The following XKR4 variants were observed in gnomAD, a reference collection of about 807,000 sequenced individuals.
XKR4 encodes XK related 4, also known as XK-related protein 4.
XKR4 carries 12 observed loss-of-function variants against 53.9 expected under a neutral mutation model. The observed-to-expected ratio is 0.22, with a 90% CI of 0.14 to 0.36. XKR4 has a LOEUF of 0.36. Among genes scored for constraint, XKR4 ranks in the 10% least tolerant of loss-of-function variants. The pLI is 1.00. For synonymous variants in XKR4, 354 were observed against 362.4 expected, an observed-to-expected ratio of 0.98 and a Z score of 0.26; for missense variants, 799 against 859.5, an observed-to-expected ratio of 0.93 and a Z score of 0.88.
At chr8:55,485,846 G>A (rs1230429387) in intron 2 of XKR4, among the ~76,000 whole-genome samples, 3 of 152,000 alleles carry the variant, frequency 2.0e-5, no homozygotes, top group Non-Finnish European at 4.4e-5. Flanking sequence ...GGATGTTCTG[G>A]GATTGGAAAA....
intron 2 of XKR4, among the ~76,000 whole-genome samples, chr8:55,478,594 C>T (rs1022278961): frequency 1.6e-4 from 25 of 152,136 alleles, no homozygotes; most frequent in Non-Finnish European, 2.4e-4. Flanking sequence ...AATTAAAAGA[C>T]ACAGACTGGC....
At chr8:55,276,225 C>T (rs991367318) in intron 1 of XKR4, among the ~76,000 whole-genome samples, 1 of 152,094 alleles carries the variant, frequency 6.6e-6, no homozygotes, top group African/African-American at 2.4e-5. Context: ...CTCGATGACT[C>T]GTTTATTTAA....
intron 2 of XKR4, among the ~76,000 whole-genome samples, chr8:55,512,468 A>G (rs1238356502): frequency 6.6e-6 from 1 of 152,140 alleles, no homozygotes; most frequent in East Asian, 1.9e-4. Context: ...GCCTGTGCCC[A>G]TCTCTTCTTG....
At chr8:55,230,582 G>A (rs1024665176) in intron 1 of XKR4, among the ~76,000 whole-genome samples, 7 of 152,060 alleles carry the variant, frequency 4.6e-5, no homozygotes, top group African/African-American at 1.2e-4. Context: ...TGGCCAGGCT[G>A]GTCTCGAACT....
chr8:55,289,664 A>AG, intron 1 of XKR4, among the ~76,000 whole-genome samples: 1 of 97,942 alleles, frequency 1.0e-5, no homozygotes, highest in Middle Eastern at 4.6e-3. Flanking sequence ...GAAGGAAAAG[A>AG]AAAGAAAAGA....
intron 1 of XKR4, among the ~76,000 whole-genome samples, chr8:55,342,889 C>T (rs1426500870): frequency 6.6e-6 from 1 of 152,188 alleles, no homozygotes; most frequent in Non-Finnish European, 1.5e-5. Context: ...ATGTAAGTCC[C>T]TATTTCATTT....
At chr8:55,407,857 T>A (rs1804709932) in intron 2 of XKR4, among the ~76,000 whole-genome samples, 1 of 152,160 alleles carries the variant, frequency 6.6e-6, no homozygotes, top group African/African-American at 2.4e-5. Context: ...CAGAAGGGAG[T>A]ATCATTGTGT....
At chr8:55,495,722 C>G (rs776899255) in intron 2 of XKR4, among the ~76,000 whole-genome samples, 2 of 152,178 alleles carry the variant, frequency 1.3e-5, no homozygotes, top group Non-Finnish European at 2.9e-5. Flanking sequence ...CACCCAGCTG[C>G]GAGAGGTTGG....
At chr8:55,221,514 G>T (rs947423070) in intron 1 of XKR4, among the ~76,000 whole-genome samples, 1 of 152,122 alleles carries the variant, frequency 6.6e-6, no homozygotes, top group African/African-American at 2.4e-5. Flanking sequence ...TGTTTCTGAT[G>T]GTCAAAGCCA....
rs1806831444 is a variant in XKR4 at position 55,523,459 on chromosome 8, G to A, written c.1185G>A (p.Ser395=). Residue 395 remains serine (S), a synonymous_variant, in exon 3 of 3, where the codon TCG becomes TCA. Transcript: ENST00000327381. ...TCATCACGTTTGCCCTCTTTGCCTC[G>A]GTTTTCCAGCTGTACTTTGGGATCT... is the stretch of plus-strand genomic sequence containing the variant. ...ARVITFALFA[S]VFQLYFGIFI... is the part of the protein sequence containing the mutation. The A allele has an allele frequency of 6.2e-7, 1 of 1,614,188 alleles. No homozygotes were observed. The highest frequency in any genetic ancestry group is 8.5e-7 in the Non-Finnish European group (1 of 1,180,036).
chr8:55,122,942 A>G (rs964746695), intron 1 of XKR4, among the ~76,000 whole-genome samples: 7 of 152,122 alleles, frequency 4.6e-5, no homozygotes, highest in Non-Finnish European at 7.4e-5. Context: ...CAGGGTGTGG[A>G]TTGAGCTTCA....
intron 1 of XKR4, among the ~76,000 whole-genome samples, chr8:55,289,657 G>GGAAGGAAGGAAAA (rs71256527): frequency 6.0e-5 from 5 of 83,238 alleles, no homozygotes; most frequent in African/African-American, 1.7e-4. Flanking sequence ...AAGGAAGGAA[G>GGAAGGAAGGAAAA]GAAAAGAAAA....
chr8:55,475,168 A>T (rs1361884724), intron 2 of XKR4, among the ~76,000 whole-genome samples: 5 of 152,112 alleles, frequency 3.3e-5, no homozygotes, highest in Non-Finnish European at 5.9e-5. Context: ...TGGAGAGTAA[A>T]GTGGTGACCT....
chr8:55,475,385 T>TTTG (rs60246172), intron 2 of XKR4, among the ~76,000 whole-genome samples: 65 of 149,594 alleles, frequency 4.3e-4, no homozygotes, highest in South Asian at 2.1e-3. Context: ...TTTTGCTTAT[T>TTTG]TTGTTGTTGT....
intron 2 of XKR4, among the ~76,000 whole-genome samples, chr8:55,374,684 G>A (rs1312176155): frequency 4.6e-5 from 7 of 152,116 alleles, no homozygotes; most frequent in Non-Finnish European, 1.5e-5. Context: ...TGCCCTTGAG[G>A]GACCTGTGGA....
chr8:55,252,407 T>A (rs1011185251), intron 1 of XKR4, among the ~76,000 whole-genome samples: 3 of 152,178 alleles, frequency 2.0e-5, no homozygotes, highest in Non-Finnish European at 4.4e-5. Flanking sequence ...GGACTATTTT[T>A]GTTTTATTGT....
chr8:55,494,740 T>TTGAGTCTGGC (rs1806317507), intron 2 of XKR4, among the ~76,000 whole-genome samples: 1 of 152,238 alleles, frequency 6.6e-6, no homozygotes, highest in East Asian at 1.9e-4. Context: ...CATCCTCTCT[T>TTGAGTCTGGC]TGAGTCTGGC....
At chr8:55,232,620 T>G (rs1818059519) in intron 1 of XKR4, among the ~76,000 whole-genome samples, 1 of 152,238 alleles carries the variant, frequency 6.6e-6, no homozygotes, top group Admixed American at 6.5e-5. Flanking sequence ...GCCTGAATTT[T>G]TCCCACAGTG....
chr8:55,468,425 A>C (rs1805814076), intron 2 of XKR4, among the ~76,000 whole-genome samples: 2 of 152,044 alleles, frequency 1.3e-5, no homozygotes, highest in South Asian at 4.1e-4. Context: ...TTTTATCCCC[A>C]TCTCTGAGCA....
Sources: allele counts gnomAD v4.1 joint callset (sites outside exome capture counted in the v4.1 genomes callset), GRCh38; gene constraint gnomAD v4.1.1; transcripts MANE v1.5; gene names NCBI Gene and HGNC (gene_info 2026-07-23, HGNC 2026-07-21).